The following OGFRL1 variants were observed in gnomAD, a reference collection of about 807,000 sequenced individuals.
The protein encoded by OGFRL1 is opioid growth factor receptor like 1, also known as opioid growth factor receptor-like protein 1.
A neutral mutation model predicts 32.4 loss-of-function variants in OGFRL1; 26 were observed. The ratio of observed to expected loss-of-function variants is 0.80; its 90% CI spans 0.59 to 1.11. OGFRL1 has a LOEUF of 1.11. Ranked by LOEUF, OGFRL1 falls within the 50% of genes most tolerant of loss-of-function variation. The pLI, the probability that OGFRL1 is intolerant of heterozygous loss-of-function variation, is 0.00. For missense variants in OGFRL1, 521 were observed against 546.4 expected (o/e 0.95, Z 0.46); for synonymous variants, 211 against 201.2 (o/e 1.05, Z -0.41).
chr6:71,304,188 T>C lies in OGFRL1; in HGVS notation c.*2139T>C, dbSNP rs994058188. 7 of 152,186 alleles carry C rather than the reference T, an allele frequency of 4.6e-5. No homozygotes were observed. The highest frequency in any genetic ancestry group is 1.0e-4 in the Non-Finnish European group (7 of 68,002). 9.4% of individuals were successfully genotyped at this position (152,186 alleles called of 1,614,324 possible). A position where few individuals can be genotyped will look rare whatever the true frequency, so the allele number is the denominator to read the frequency against. ...ATCTCAGTAGCACTTTTGTTGTACA[T>C]TGTGTTCCAATAAGTATAGTATGGA... is the stretch of plus-strand genomic sequence containing the variant. On this transcript the variant is annotated 3_prime_UTR_variant, in exon 7 of 7. Coordinates refer to ENST00000370435, the MANE Select transcript of OGFRL1 (RefSeq NM_024576.5).
intron 1 of OGFRL1, 51 bp downstream of exon 1, chr6:71,289,221 C>CA: frequency 9.6e-7 from 1 of 1,043,872 alleles, no homozygotes. Flanking sequence ...CCCGACACCC[C>CA]AGAGGGGCAA....
At position 71,306,132 on chromosome 6, in the gene OGFRL1, C is replaced by G. The variant is rs556269256; in HGVS notation, c.*4083C>G. The G allele has an allele frequency of 2.6e-5, 4 of 152,244 alleles. No homozygotes were observed. The highest frequency in any genetic ancestry group is 5.9e-5 in the Non-Finnish European group (4 of 67,996). 9.4% of individuals were successfully genotyped at this position (152,244 alleles called of 1,614,324 possible). A position where few individuals can be genotyped will look rare whatever the true frequency, so the allele number is the denominator to read the frequency against. ...TTCCACTTAGGAAATTCCCCTCTCT[C>G]ATTTGGGGTATATGCGTTGAGTATA... On this transcript the variant is annotated 3_prime_UTR_variant, in exon 7 of 7. Coordinates refer to ENST00000370435, the MANE Select transcript of OGFRL1 (RefSeq NM_024576.5).
chr6:71,309,037 A>T lies in OGFRL1; in HGVS notation c.*6988A>T, dbSNP rs995633218. 4 of 152,226 alleles carry T rather than the reference A, an allele frequency of 2.6e-5. No homozygotes were observed. The highest frequency in any genetic ancestry group is 9.6e-5 in the African/African-American group (4 of 41,462). The allele number at this position is 152,226 out of a possible 1,614,324, so 9.4% of individuals were successfully genotyped here. A position where few individuals can be genotyped will look rare whatever the true frequency, so the allele number is the denominator to read the frequency against. On this transcript the variant is annotated 3_prime_UTR_variant, in exon 7 of 7. Coordinates refer to ENST00000370435, the MANE Select transcript of OGFRL1 (RefSeq NM_024576.5). ...TTATTTTCTTTTATCCTCAAAAATA[A>T]ATATTGTGAAGGGTGAATCATATAT...
Position 71,304,031 on chromosome 6 carries a change from T to TA in OGFRL1, c.*1983dup, listed in dbSNP as rs1766474036. 1 of 152,196 alleles carries TA rather than the reference T, an allele frequency of 6.6e-6. No homozygotes were observed. Among genetic ancestry groups the TA allele is most frequent in the Non-Finnish European group, 1.5e-5 (1 of 68,014 alleles). The allele number at this position is 152,196 out of a possible 1,614,324, so 9.4% of individuals were successfully genotyped here. ...ACTTCATATCATCTTCTGTTGCCTC[T>TA]ATTGATCCACATTTTCTGCAGTGGA... On this transcript the variant is annotated 3_prime_UTR_variant, in exon 7 of 7. Transcript: ENST00000370435.
In OGFRL1 at chr6:71,308,451, C is replaced by T. The variant is rs905386027; in HGVS notation, c.*6402C>T. ...ATGTCATTTTGGAAACTATTGTGTCCCTTGTATTTTAAATATTTCAGGAAA... is the reference window on the plus strand; with the variant it reads ...ATGTCATTTTGGAAACTATTGTGTCTCTTGTATTTTAAATATTTCAGGAAA... On this transcript the variant is annotated 3_prime_UTR_variant, in exon 7 of 7. Transcript: ENST00000370435. The T allele has an allele frequency of 6.6e-6, 1 of 151,952 alleles. No individual in the cohort carries two copies. Among genetic ancestry groups the T allele is most frequent in the Non-Finnish European group, 1.5e-5 (1 of 68,002 alleles). 9.4% of individuals were successfully genotyped at this position (151,952 alleles called of 1,614,324 possible). A position where few individuals can be genotyped will look rare whatever the true frequency, so the allele number is the denominator to read the frequency against.
chr6:71,298,857 A>T (rs1465322235), intron 6 of OGFRL1, among the ~76,000 whole-genome samples: 1 of 152,192 alleles, frequency 6.6e-6, no homozygotes, highest in Non-Finnish European at 1.5e-5. Context: ...CTTATTCTTA[A>T]ATGTCATAAC....
chr6:71,301,372 A>T lies in OGFRL1; in HGVS notation c.693-14A>T. Reference sequence around the variant, plus strand: ...TGATTTCCCCCACTCATTTTATTCAATCCTCTCTTCCAGGTCCCAGCACAA... The same window carrying T: ...TGATTTCCCCCACTCATTTTATTCATTCCTCTCTTCCAGGTCCCAGCACAA... On this transcript the variant is annotated splice_polypyrimidine_tract_variant and intron_variant, in intron 6 of 6. Coordinates refer to ENST00000370435, the MANE Select transcript of OGFRL1 (RefSeq NM_024576.5). The T allele has an allele frequency of 6.5e-7, 1 of 1,539,354 alleles. No individual in the cohort carries two copies. The highest frequency in any genetic ancestry group is 2.3e-5 in the East Asian group (1 of 44,266).
At chr6:71,293,154 T>G in intron 1 of OGFRL1, 139 bp from the exon 2 acceptor site, 1 of 635,368 alleles carries the variant, frequency 1.6e-6, no homozygotes, top group Non-Finnish European at 2.8e-6. Context: ...TAAAGGAATA[T>G]TTATAATATT....
At chr6:71,295,042 G>T (rs1008450953) in intron 3 of OGFRL1, 1 of 151,872 alleles carries the variant, frequency 6.6e-6, no homozygotes, top group Non-Finnish European at 1.5e-5. Context: ...GATTGGTGGG[G>T]GTCAGAAGTT....
At chr6:71,297,687 C>T (rs1264855799) in intron 6 of OGFRL1, among the ~76,000 whole-genome samples, 1 of 152,060 alleles carries the variant, frequency 6.6e-6, no homozygotes, top group Admixed American at 6.6e-5. Context: ...CTAACCTAAG[C>T]AATTTTCCTT....
intron 6 of OGFRL1, among the ~76,000 whole-genome samples, chr6:71,300,000 A>G (rs1334863154): frequency 6.6e-6 from 1 of 152,200 alleles, no homozygotes; most frequent in Non-Finnish European, 1.5e-5. Flanking sequence ...TCATTGAAAC[A>G]TAAGACCATG....
rs1407173446 is a variant in OGFRL1 at position 71,304,605 on chromosome 6, A to G, written c.*2556A>G. 1.3e-5 allele frequency: 2 copies of G among 152,152 alleles called. No homozygotes were observed. Among genetic ancestry groups the G allele is most frequent in the Non-Finnish European group, 2.9e-5 (2 of 67,982 alleles). The allele number at this position is 152,152 out of a possible 1,614,324, so 9.4% of individuals were successfully genotyped here. On this transcript the variant is annotated 3_prime_UTR_variant, in exon 7 of 7. Coordinates refer to ENST00000370435, the MANE Select transcript of OGFRL1 (RefSeq NM_024576.5). ...AATGAATGTAATTTGAATTACTTAG[A>G]AATTGTATATTAGAGCCCTTATGAG...
In OGFRL1 at chr6:71,289,003, T is replaced by C; in HGVS notation, c.67T>C (p.Trp23Arg). 7.2e-7 allele frequency: 1 copy of C among 1,383,702 alleles called. No homozygotes were observed. The allele number at this position is 1,383,702 out of a possible 1,614,324, so 85.7% of individuals were successfully genotyped here. Reference sequence around the variant, plus strand: ...CACCGTGGAGGACTGCGACTCCACCTGGCAGACCGACTCGGAGCCCGAGCC... The same window carrying C: ...CACCGTGGAGGACTGCGACTCCACCCGGCAGACCGACTCGGAGCCCGAGCC... The part of the protein sequence containing the change: ...PTTVEDCDST[W>R]QTDSEPEPEE... The change falls in exon 1 of 7, where the codon TGG (tryptophan) becomes CGG (arginine). Residue 23 changes from tryptophan (W) to arginine (R), a missense_variant. By Grantham distance (101) the Trp-to-Arg change is moderately radical. Coordinates refer to ENST00000370435, the MANE Select transcript of OGFRL1 (RefSeq NM_024576.5).
At chr6:71,300,265 G>T (rs117972680) in intron 6 of OGFRL1, among the ~76,000 whole-genome samples, 3,270 of 152,306 alleles carry the variant, frequency 0.021, 51 homozygotes, top group Middle Eastern at 0.044. Context: ...ATTAATACAT[G>T]TGGCTGATGA....
rs1158446034 is a variant in OGFRL1 at position 71,307,620 on chromosome 6, A to G, written c.*5571A>G. On this transcript the variant is annotated 3_prime_UTR_variant, in exon 7 of 7. Transcript: ENST00000370435. ...AGTAGTGGTCACTTACTGTGCTAAA[A>G]TACCTTTTTCTCTAAAAATATTTAA... The G allele has an allele frequency of 1.3e-5, 2 of 152,116 alleles. No homozygotes were observed. The highest frequency in any genetic ancestry group is 2.9e-5 in the Non-Finnish European group (2 of 68,012). The allele number at this position is 152,116 out of a possible 1,614,324, so 9.4% of individuals were successfully genotyped here.
chr6:71,297,606 A>G (rs145627477), intron 6 of OGFRL1, among the ~76,000 whole-genome samples: 1 of 152,102 alleles, frequency 6.6e-6, no homozygotes, highest in African/African-American at 2.4e-5. Flanking sequence ...TACAGCCACC[A>G]GCTTTAAAGT....
chr6:71,293,298 T>C lies in OGFRL1; in HGVS notation c.240T>C (p.Gly80=). The C allele has an allele frequency of 2.5e-6, 4 of 1,613,436 alleles. No homozygotes were observed. The highest frequency in any genetic ancestry group is 3.4e-6 in the Non-Finnish European group (4 of 1,179,600). ...AGTTTCACCTTTTATTTCAGGGTGG[T>C]GATTCCACTGAAGCAACTGCCAAAC... The part of the protein sequence containing the change: ...DAEAAGAEQG[G]DSTEATAKPK... The change falls in exon 2 of 7, where the codon GGT becomes GGC. Residue 80 remains glycine, a synonymous_variant. Transcript: ENST00000370435.
chr6:71,304,080 T>C lies in OGFRL1; in HGVS notation c.*2031T>C, dbSNP rs1006354520. 2.6e-5 allele frequency: 4 copies of C among 152,316 alleles called. No homozygotes were observed. The highest frequency in any genetic ancestry group is 2.6e-4 in the Admixed American group (4 of 15,304). 9.4% of individuals were successfully genotyped at this position (152,316 alleles called of 1,614,324 possible). ...GATTTCTTGAAAAGAATCACACTTATAGTATGCCTCTAGAAATATGATTTT... is the reference window on the plus strand; with the variant it reads ...GATTTCTTGAAAAGAATCACACTTACAGTATGCCTCTAGAAATATGATTTT... On this transcript the variant is annotated 3_prime_UTR_variant, in exon 7 of 7. Transcript: ENST00000370435.
In OGFRL1 at chr6:71,305,385, C is replaced by T. The variant is rs1280686886; in HGVS notation, c.*3336C>T. 1 of 151,764 alleles carries T rather than the reference C, an allele frequency of 6.6e-6. No homozygotes were observed. Among genetic ancestry groups the T allele is most frequent in the Non-Finnish European group, 1.5e-5 (1 of 67,840 alleles). The allele number at this position is 151,764 out of a possible 1,614,324, so 9.4% of individuals were successfully genotyped here. A position where few individuals can be genotyped will look rare whatever the true frequency, so the allele number is the denominator to read the frequency against. ...GTTTATAACATGAAGAATATTGTAC[C>T]ATTATACATTTTCATTCTCGATCTC... On this transcript the variant is annotated 3_prime_UTR_variant, in exon 7 of 7. Coordinates refer to ENST00000370435, the MANE Select transcript of OGFRL1 (RefSeq NM_024576.5).
Sources: gnomAD v4.1 joint callset for allele counts (sites outside exome capture counted in the v4.1 genomes callset) on GRCh38, gnomAD v4.1.1 for gene constraint, MANE v1.5 for transcripts, NCBI Gene and HGNC (gene_info 2026-07-23, HGNC 2026-07-21) for gene names.